The following CSTL1 variants were observed in gnomAD, a reference collection of about 807,000 sequenced individuals.
CSTL1 encodes the protein cystatin like 1, also known as cystatin-like 1.
A neutral mutation model predicts 14.4 loss-of-function variants in CSTL1; 14 were observed. The ratio of observed to expected loss-of-function variants is 0.97; its 90% CI spans 0.64 to 1.52. The LOEUF is 1.52. CSTL1 is among the 40% of genes most tolerant of loss of function. The pLI is 0.00. For synonymous variants in CSTL1, 72 were observed against 67.5 expected (o/e 1.07, Z -0.33); for missense variants, 170 against 168.7 (o/e 1.01, Z -0.04).
At chr20:23,456,496 G>A in the CSTL1 span, among the ~76,000 whole-genome samples, 6 of 152,096 alleles carry the variant, frequency 3.9e-5, no homozygotes, top group African/African-American at 1.4e-4. Flanking sequence ...CTACTTGGCT[G>A]CAGCTGCTGT....
At chr20:23,442,654 G>A (rs994287590) in intron 2 of CSTL1, among the ~76,000 whole-genome samples, 8 of 152,254 alleles carry the variant, frequency 5.3e-5, no homozygotes, top group South Asian at 4.2e-4. Context: ...GTTTGGGTGC[G>A]GGGAGGCTGG....
At chr20:23,456,274 AG>A in the CSTL1 span, among the ~76,000 whole-genome samples, 5 of 152,204 alleles carry the variant, frequency 3.3e-5, no homozygotes, top group Admixed American at 6.5e-5. Flanking sequence ...TTGAAATGCT[AG>A]TTTTTGGAGA....
chr20:23,447,431 T>C (rs1467973721), downstream of CSTL1, among the ~76,000 whole-genome samples: 1 of 152,090 alleles, frequency 6.6e-6, no homozygotes, highest in African/African-American at 2.4e-5. Flanking sequence ...TGTCTAATGC[T>C]GGACACATTA....
intron 2 of CSTL1, 134 bp downstream of exon 2, chr20:23,440,620 T>C (rs1196018099): frequency 1.3e-6 from 1 of 759,910 alleles, no homozygotes; most frequent in Admixed American, 1.8e-5. Flanking sequence ...GCATCTTCAC[T>C]TGTAGCAGGT....
At chr20:23,449,175 T>A (rs1392150802), downstream of CSTL1, among the ~76,000 whole-genome samples, 1 of 152,198 alleles carries the variant, frequency 6.6e-6, no homozygotes, top group Non-Finnish European at 1.5e-5. Context: ...CTGCCTATAG[T>A]CTCTCAAATC....
At chr20:23,444,656 C>A in intron 3 of CSTL1, 115 bp from the exon 4 acceptor site, 1 of 673,432 alleles carries the variant, frequency 1.5e-6, no homozygotes. Context: ...GGCAGCTCCC[C>A]TCTCTGCCCA....
In CSTL1 at chr20:23,444,900, G is replaced by GCA. The variant is rs1187487330; in HGVS notation, c.*24_*25dup. On this transcript the variant is annotated 3_prime_UTR_variant, in exon 4 of 4. Coordinates refer to ENST00000347397, the MANE Select transcript of CSTL1 (RefSeq NM_138283.1). ...ATGAGGGCTCATATGATTGAGTTGT[G>GCA]CACTGGCTGTTATTAAACTGTAAAG... is the stretch of plus-strand genomic sequence containing the variant. The GCA allele has an allele frequency of 2.1e-5, 31 of 1,487,642 alleles. No homozygotes were observed. Among genetic ancestry groups the GCA allele is most frequent in the Non-Finnish European group, 2.8e-5 (30 of 1,064,978 alleles). 92.2% of individuals were successfully genotyped at this position (1,487,642 alleles called of 1,614,324 possible). A position where few individuals can be genotyped will look rare whatever the true frequency, so the allele number is the denominator to read the frequency against.
the CSTL1 span, among the ~76,000 whole-genome samples, chr20:23,458,252 A>G: frequency 0.14 from 21,124 of 152,102 alleles, 2,319 homozygotes; most frequent in East Asian, 0.29. Flanking sequence ...TGCAGTTTGT[A>G]TATATTTGCC....
the CSTL1 span, among the ~76,000 whole-genome samples, chr20:23,451,460 T>A: frequency 6.6e-6 from 1 of 152,206 alleles, no homozygotes; most frequent in Non-Finnish European, 1.5e-5. Flanking sequence ...CGCGGCCTTG[T>A]CATGTTGACT....
chr20:23,445,639 G>A (rs934505519), downstream of CSTL1, among the ~76,000 whole-genome samples: 1 of 152,088 alleles, frequency 6.6e-6, no homozygotes, highest in Non-Finnish European at 1.5e-5. Context: ...CATCTCTATG[G>A]CTTTTCTGAA....
At chr20:23,455,068 T>G in the CSTL1 span, among the ~76,000 whole-genome samples, 1 of 152,160 alleles carries the variant, frequency 6.6e-6, no homozygotes, top group African/African-American at 2.4e-5. Flanking sequence ...CTCCAGCAGC[T>G]CTATTGGAAC....
the CSTL1 span, among the ~76,000 whole-genome samples, chr20:23,459,942 G>T: frequency 6.6e-6 from 1 of 152,132 alleles, no homozygotes; most frequent in Non-Finnish European, 1.5e-5. Context: ...TTATACCACT[G>T]CTGTGAGGTC....
intron 3 of CSTL1, 21 bp from the exon 4 acceptor site, chr20:23,444,750 G>C (rs928684236): frequency 6.5e-7 from 1 of 1,543,726 alleles, no homozygotes. Flanking sequence ...CCCAAAGTCT[G>C]TTTTCTTTCT....
the CSTL1 span, chr20:23,450,505 C>A: frequency 1.2e-6 from 2 of 1,608,834 alleles, no homozygotes; most frequent in South Asian, 1.1e-5. Flanking sequence ...CTCCAGGACA[C>A]CTAGTCACTG....
the CSTL1 span, chr20:23,450,408 A>C: frequency 1.4e-6 from 1 of 736,340 alleles, no homozygotes; most frequent in African/African-American, 1.8e-5. Flanking sequence ...CGATCTTAAG[A>C]GAATATGTTG....
rs1568634684 is a variant in CSTL1 at position 23,440,350 on chromosome 20, G to A, written c.83G>A (p.Trp28Ter). The A allele has an allele frequency of 6.2e-7, 1 of 1,614,082 alleles. No individual in the cohort carries two copies. The highest frequency in any genetic ancestry group is 8.5e-7 in the Non-Finnish European group (1 of 1,180,046). ...GCCAAGCTGGGTCACTTCCAAAGGT[G>A]GGAGGGCTTCCAGCAGAAGCTCATG... Reference protein sequence around the residue: ...LSAKLGHFQRWEGFQQKLMSK... With the variant: ...LSAKLGHFQR The change falls in exon 2 of 4, where the codon TGG becomes TAG. Residue 28 changes from tryptophan (W) to a stop codon, truncating the protein, a stop_gained. Coordinates refer to ENST00000347397, the MANE Select transcript of CSTL1 (RefSeq NM_138283.1). LOFTEE classifies it high-confidence loss of function.
chr20:23,443,865 C>G, intron 2 of CSTL1, 69 bp from the exon 3 acceptor site: 1 of 1,164,760 alleles, frequency 8.6e-7, no homozygotes, highest in South Asian at 1.3e-5. Flanking sequence ...TCAGTCCTAG[C>G]TTCTCCAGGA....
chr20:23,455,463 G>A, the CSTL1 span, among the ~76,000 whole-genome samples: 1 of 152,148 alleles, frequency 6.6e-6, no homozygotes. Context: ...ACATGTCTCC[G>A]GCAGAATTGC....
downstream of CSTL1, among the ~76,000 whole-genome samples, chr20:23,447,062 G>T (rs1347551718): frequency 6.6e-6 from 1 of 152,154 alleles, no homozygotes; most frequent in Non-Finnish European, 1.5e-5. Context: ...ACCAGCACTG[G>T]CCTGCTGCCC....
Sources: gnomAD v4.1 joint callset for allele counts (sites outside exome capture counted in the v4.1 genomes callset) on GRCh38, gnomAD v4.1.1 for gene constraint, MANE v1.5 for transcripts, NCBI Gene and HGNC (gene_info 2026-07-23, HGNC 2026-07-21) for gene names.